Variants in LRSAM1 observed in about 807,000 individuals in gnomAD.
LRSAM1 encodes the protein E3 ubiquitin-protein ligase LRSAM1.
In LRSAM1, 96 loss-of-function variants were observed where a neutral mutation model predicts 118.1. That is an observed-to-expected ratio of 0.81 (90% CI 0.69 to 0.96). LRSAM1 has a LOEUF of 0.96. Among genes scored for constraint, LRSAM1 ranks in the 40% least tolerant of loss-of-function variants. LRSAM1 has a pLI of 0.00. For missense variants in LRSAM1, 804 were observed against 915.5 expected (o/e 0.88, Z 1.57); for synonymous variants, 322 against 364.2 (o/e 0.88, Z 1.32).
intron 5 of LRSAM1, 94 bp from the exon 6 acceptor site, chr9:127,457,222 G>T: frequency 7.3e-7 from 1 of 1,370,430 alleles, no homozygotes; most frequent in Non-Finnish European, 1.0e-6. Context: ...AGATGGTGGG[G>T]CGTGGCACGG....
At chr9:127,455,421 T>A (rs1191731121) in intron 4 of LRSAM1, among the ~76,000 whole-genome samples, 155 bp from the exon 5 acceptor site, 3 of 152,240 alleles carry the variant, frequency 2.0e-5, no homozygotes, top group Non-Finnish European at 4.4e-5. Flanking sequence ...CACCACTGCT[T>A]GCCAGCCTTG....
chr9:127,502,154 G>A (rs143644671), intron 25 of LRSAM1, among the ~76,000 whole-genome samples: 23 of 152,360 alleles, frequency 1.5e-4, no homozygotes, highest in African/African-American at 4.3e-4. Context: ...AGGGGCCGGC[G>A]GAATAGGCCT....
intron 16 of LRSAM1, 37 bp from the exon 17 acceptor site, chr9:127,485,699 C>A: frequency 1.9e-6 from 3 of 1,603,766 alleles, no homozygotes; most frequent in Non-Finnish European, 2.6e-6. Flanking sequence ...CAGGAGCAGC[C>A]ACTCCACTCA....
At chr9:127,454,160 A>T in intron 2 of LRSAM1, 1 of 367,624 alleles carries the variant, frequency 2.7e-6, no homozygotes, top group East Asian at 6.9e-5. Context: ...CACTAGAAAG[A>T]CGCAGCCCCT....
rs2243906 is a variant in LRSAM1, at chr9:127,457,390, C to G, written c.249C>G (p.Ile83Met). 2.5e-6 allele frequency: 4 copies of G among 1,613,872 alleles called. No homozygotes were observed. Among genetic ancestry groups the G allele is most frequent in the Non-Finnish European group, 3.4e-6 (4 of 1,179,852 alleles). ...GCAGCCTCCTGAGTCTGGCAACCAT[C>G]AAGGTACTGGGCCCTCCTCCCAGGC... ...KSCSLLSLAT[I>M]KVLDLHDNQL... The change falls in exon 6 of 26, where the codon ATC (isoleucine) becomes ATG (methionine). Residue 83 changes from isoleucine to methionine, a missense_variant. Ile to Met is a conservative substitution (Grantham distance 10, BLOSUM62 1). Coordinates refer to ENST00000300417, the MANE Select transcript of LRSAM1 (RefSeq NM_001005373.4).
At chr9:127,471,191 T>C (rs1835152856) in intron 10 of LRSAM1, among the ~76,000 whole-genome samples, 1 of 152,062 alleles carries the variant, frequency 6.6e-6, no homozygotes, top group Admixed American at 6.6e-5. Context: ...TTTAAAAAGA[T>C]TTTGGGGCCG....
chr9:127,489,478 A>T lies in LRSAM1; in HGVS notation c.1382A>T (p.Gln461Leu), dbSNP rs145382004. ...AMQKAAFEALQVKKDLMHRQI... is the reference protein window; with the variant it reads ...AMQKAAFEALLVKKDLMHRQI... ...CAGAAGGCTGCGTTCGAGGCACTCC[A>T]GGTGAAGAAAGACCTGATGCATCGG... is the stretch of plus-strand genomic sequence containing the variant. The change falls in exon 19 of 26, where the codon CAG becomes CTG. Residue 461 changes from glutamine (Q) to leucine (L), a missense_variant. Physicochemically the swap from Gln to Leu is moderately radical, Grantham distance 113. Coordinates refer to ENST00000300417, the MANE Select transcript of LRSAM1 (RefSeq NM_001005373.4). 5.1e-5 allele frequency: 82 copies of T among 1,610,304 alleles called. No individual in the cohort carries two copies. In the East Asian group the frequency reaches 1.8e-3, roughly 35 times the overall value.
intron 22 of LRSAM1, 94 bp from the exon 23 acceptor site, chr9:127,495,870 A>ATTATG (rs1365951117): frequency 6.5e-7 from 1 of 1,530,704 alleles, no homozygotes; most frequent in African/African-American, 1.4e-5. Context: ...CATTCTATGT[A>ATTATG]TTATGTTATA....
chr9:127,490,184 C>T (rs1338653048), intron 19 of LRSAM1, among the ~76,000 whole-genome samples: 4 of 152,232 alleles, frequency 2.6e-5, no homozygotes, highest in Non-Finnish European at 4.4e-5. Flanking sequence ...TATGGGAGTA[C>T]TCCTGCATCA....
intron 16 of LRSAM1, 143 bp downstream of exon 16, chr9:127,483,163 C>A: frequency 1.3e-6 from 1 of 773,482 alleles, no homozygotes; most frequent in Non-Finnish European, 2.2e-6. Flanking sequence ...CCATGGAGCA[C>A]AGGCTCTGGG....
At chr9:127,479,804 T>TCC in intron 13 of LRSAM1, 35 bp from the exon 14 acceptor site, 1 of 1,606,718 alleles carries the variant, frequency 6.2e-7, no homozygotes, top group Non-Finnish European at 8.5e-7. Flanking sequence ...TCTGAGGGGG[T>TCC]CCCAGGGGCT....
chr9:127,457,411 C>T lies in LRSAM1; in HGVS notation c.252+18C>T. 2 of 1,613,020 alleles carry T rather than the reference C, an allele frequency of 1.2e-6. No homozygotes were observed. Among genetic ancestry groups the T allele is most frequent in the Non-Finnish European group, 1.7e-6 (2 of 1,179,096 alleles). ...CCATCAAGGTACTGGGCCCTCCTCC[C>T]AGGCAGCTGGGGCTCTGCATGGGGT... On this transcript the variant is annotated intron_variant, in intron 6 of 25. Transcript: ENST00000300417.
rs71380064 is a variant in LRSAM1 at position 127,471,472 on chromosome 9, TAAAAAAAAAAAA to T, written c.620-2315_620-2304del. On this transcript the variant is annotated intron_variant, in intron 10 of 25. Transcript: ENST00000300417. ...GGTGACAGAGAGAGACCTTATGTTATAAAAAAAAAAAAAAAAAAAAAAAAAGATTTTGGGCTG... is the reference window on the plus strand; with the variant it reads ...GGTGACAGAGAGAGACCTTATGTTATAAAAAAAAAAAAAGATTTTGGGCTG... Among the ~76,000 whole-genome samples, 7 of 68,046 alleles carry T rather than the reference TAAAAAAAAAAAA, an allele frequency of 1.0e-4. No individual in the cohort carries two copies. In the East Asian group the frequency reaches 2.7e-3, roughly 26 times the overall value. 44.6% of individuals were successfully genotyped at this position (68,046 alleles called of 152,430 possible). A position where few individuals can be genotyped will look rare whatever the true frequency, so the allele number is the denominator to read the frequency against.
chr9:127,477,683 G>A (rs369142922), intron 11 of LRSAM1, among the ~76,000 whole-genome samples: 2 of 152,092 alleles, frequency 1.3e-5, no homozygotes, highest in East Asian at 1.9e-4. Flanking sequence ...CCAGGAGGTC[G>A]CGGCTGCAGT....
intron 14 of LRSAM1, among the ~76,000 whole-genome samples, chr9:127,480,981 GT>G (rs1835515208): frequency 1.3e-5 from 2 of 152,032 alleles, no homozygotes; most frequent in African/African-American, 4.8e-5. Context: ...GTCTGGCTGG[GT>G]TTTTTTATTC....
At chr9:127,499,008 G>A (rs1278429121) in intron 24 of LRSAM1, among the ~76,000 whole-genome samples, 2 of 150,552 alleles carry the variant, frequency 1.3e-5, no homozygotes, top group African/African-American at 4.9e-5. Context: ...AGTGAGCCAA[G>A]ATCATGCCAT....
intron 2 of LRSAM1, 78 bp downstream of exon 2, chr9:127,452,162 A>C (rs955029997): frequency 6.6e-6 from 1 of 152,058 alleles, no homozygotes; most frequent in African/African-American, 2.4e-5. Context: ...TCGGAGAGGG[A>C]GGGACAGGCA....
chr9:127,501,257 G>T, intron 25 of LRSAM1, 114 bp downstream of exon 25: 1 of 1,350,346 alleles, frequency 7.4e-7, no homozygotes, highest in Non-Finnish European at 1.0e-6. Context: ...AGTAGACTGT[G>T]CTCATCTAGA....
intron 2 of LRSAM1, among the ~76,000 whole-genome samples, chr9:127,453,071 C>CTTTA (rs142386230): frequency 0.013 from 2,013 of 152,184 alleles, 45 homozygotes; most frequent in African/African-American, 0.046. Flanking sequence ...TACTTCTTCA[C>CTTTA]TTTATTTATT....
Sources: allele counts gnomAD v4.1 joint callset (sites outside exome capture counted in the v4.1 genomes callset), GRCh38; gene constraint gnomAD v4.1.1; transcripts MANE v1.5; gene names NCBI Gene and HGNC (gene_info 2026-07-23, HGNC 2026-07-21).